Variants in CCDC3 observed in about 807,000 individuals in gnomAD.
CCDC3 encodes coiled-coil domain containing 3.
A neutral mutation model predicts 21.4 loss-of-function variants in CCDC3; 24 were observed. The observed-to-expected ratio is 1.12, with a 90% CI of 0.81 to 1.58. CCDC3 has a LOEUF of 1.58. CCDC3 is among the 40% of genes most tolerant of loss of function. The pLI is 0.00. For synonymous variants in CCDC3, 186 were observed against 166.0 expected (o/e 1.12, Z -0.93); for missense variants, 425 against 360.9 (o/e 1.18, Z -1.44).
chr10:13,010,354 G>T (rs1336922763), intron 5 of CCDC3, among the ~76,000 whole-genome samples: 5 of 152,126 alleles, frequency 3.3e-5, no homozygotes, highest in Non-Finnish European at 7.4e-5. Flanking sequence ...GCTAAGAATG[G>T]CAAATAAGTG....
intron 3 of CCDC3, among the ~76,000 whole-genome samples, chr10:13,083,635 C>T (rs535450073): frequency 6.6e-6 from 1 of 152,368 alleles, no homozygotes; most frequent in Admixed American, 6.5e-5. Context: ...AGCTCACAGC[C>T]TATGCCCCTT....
At chr10:13,054,329 T>A (rs1278404429) in intron 4 of CCDC3, among the ~76,000 whole-genome samples, 1 of 152,094 alleles carries the variant, frequency 6.6e-6, no homozygotes, top group Non-Finnish European at 1.5e-5. Flanking sequence ...GCTCCTCCTC[T>A]GCAATCCCCT....
At chr10:13,052,938 T>A (rs1337546966) in intron 4 of CCDC3, among the ~76,000 whole-genome samples, 2 of 134,336 alleles carry the variant, frequency 1.5e-5, no homozygotes, top group Non-Finnish European at 3.2e-5. Context: ...TGAGACTCTG[T>A]CACACACACA....
At chr10:12,957,551 G>A (rs929046804) in intron 2 of CCDC3, among the ~76,000 whole-genome samples, 21 of 152,224 alleles carry the variant, frequency 1.4e-4, no homozygotes, top group Admixed American at 3.3e-4. Context: ...AGGTGAGAGC[G>A]GATGGGAGGT....
intron 2 of CCDC3, among the ~76,000 whole-genome samples, chr10:12,933,906 T>A (rs571572213): frequency 6.6e-6 from 1 of 152,286 alleles, no homozygotes; most frequent in African/African-American, 2.4e-5. Flanking sequence ...AAGAATCAGC[T>A]CTTTTGATTA....
chr10:13,079,017 TA>T lies in CCDC3; in HGVS notation c.-502-4918del, dbSNP rs924272958. On this transcript the variant is annotated intron_variant, in intron 3 of 6. Coordinates refer to the CCDC3 transcript ENST00000378839. ...CTAGAACTTAAAATATAATAATAAT[TA>T]AAAAAAAATTGCTTCCCTTCTTTAT... Among the ~76,000 whole-genome samples the T allele has an allele frequency of 4.5e-4, 68 of 151,594 alleles. 1 individual carries two copies. The highest frequency in any genetic ancestry group is 3.4e-3 in the Middle Eastern group (1 of 294).
At chr10:12,985,455 C>G (rs894791157) in intron 2 of CCDC3, among the ~76,000 whole-genome samples, 1 of 152,266 alleles carries the variant, frequency 6.6e-6, no homozygotes, top group Non-Finnish European at 1.5e-5. Context: ...AAAACTTATG[C>G]CTACACAACA....
At chr10:12,987,025 C>A (rs2131276821) in intron 2 of CCDC3, among the ~76,000 whole-genome samples, 1 of 152,214 alleles carries the variant, frequency 6.6e-6, no homozygotes, top group African/African-American at 2.4e-5. Flanking sequence ...CAAAAACAAG[C>A]CAGGAACTCC....
chr10:12,993,070 T>G (rs1835704219), intron 2 of CCDC3, among the ~76,000 whole-genome samples: 1 of 152,230 alleles, frequency 6.6e-6, no homozygotes, highest in Non-Finnish European at 1.5e-5. Context: ...CTGTTACTAC[T>G]GATGTTGCCA....
chr10:12,969,476 T>C (rs1367623769), intron 2 of CCDC3, among the ~76,000 whole-genome samples: 1 of 151,852 alleles, frequency 6.6e-6, no homozygotes, highest in Admixed American at 6.6e-5. Context: ...AAATTAAAAA[T>C]AGAATTACCC....
intron 2 of CCDC3, among the ~76,000 whole-genome samples, chr10:12,926,873 A>G (rs1834549402): frequency 6.6e-6 from 1 of 152,228 alleles, no homozygotes. Flanking sequence ...TCATAAAGAC[A>G]TTATAATCAT....
chr10:13,063,866 G>C (rs1477514221), intron 4 of CCDC3, among the ~76,000 whole-genome samples: 2 of 152,138 alleles, frequency 1.3e-5, no homozygotes, highest in African/African-American at 4.8e-5. Flanking sequence ...GAAGATTTTA[G>C]AATGGCTGGA....
intron 2 of CCDC3, among the ~76,000 whole-genome samples, chr10:12,996,623 AAAG>A (rs1238324201): frequency 1.3e-5 from 2 of 152,174 alleles, no homozygotes; most frequent in South Asian, 2.1e-4. Context: ...GACATATGTC[AAAG>A]AAGAAGAAAT....
chr10:12,930,240 G>A lies in CCDC3; in HGVS notation c.550-31561C>T, dbSNP rs548430611. Reference sequence around the variant, plus strand: ...ACGTTGTACAGTTTCTCTAGGAAATGATGTAATATTTTTACATTTCTTTTC... The same window carrying A: ...ACGTTGTACAGTTTCTCTAGGAAATAATGTAATATTTTTACATTTCTTTTC... On this transcript the variant is annotated intron_variant, in intron 2 of 2. Coordinates refer to ENST00000378825, the MANE Select transcript of CCDC3 (RefSeq NM_031455.4). 1.4e-4 allele frequency among the ~76,000 whole-genome samples: 21 copies of A among 151,882 alleles called. No individual in the cohort carries two copies. The South Asian group carries it at 4.4e-3, about 32-fold the overall frequency.
chr10:12,919,598 A>AT (rs993295454), intron 2 of CCDC3, among the ~76,000 whole-genome samples: 1 of 151,724 alleles, frequency 6.6e-6, no homozygotes, highest in African/African-American at 2.4e-5. Context: ...AAAAAAAAAA[A>AT]AAAAAAGAAA....
At chr10:13,080,450 A>G (rs1406376012) in intron 3 of CCDC3, among the ~76,000 whole-genome samples, 1 of 152,236 alleles carries the variant, frequency 6.6e-6, no homozygotes, top group African/African-American at 2.4e-5. Context: ...ATGTAAAACT[A>G]TTAAAGGAAC....
chr10:13,073,774 A>C (rs1402505591), intron 4 of CCDC3: 1 of 152,216 alleles, frequency 6.6e-6, no homozygotes, highest in Non-Finnish European at 1.5e-5. Flanking sequence ...GGCATGAGCC[A>C]CGGTGGCCTG....
chr10:12,940,602 A>G (rs919359497), intron 2 of CCDC3, among the ~76,000 whole-genome samples: 2 of 152,218 alleles, frequency 1.3e-5, no homozygotes, highest in Admixed American at 1.3e-4. Context: ...ATAACCTTGT[A>G]GAGCCTTACC....
At chr10:13,042,233 A>T (rs1836466693) in intron 5 of CCDC3, among the ~76,000 whole-genome samples, 1 of 152,256 alleles carries the variant, frequency 6.6e-6, no homozygotes, top group African/African-American at 2.4e-5. Context: ...GAGACAAAGG[A>T]GAGGAAAACA....
Sources: allele counts gnomAD v4.1 joint callset (sites outside exome capture counted in the v4.1 genomes callset), GRCh38; gene constraint gnomAD v4.1.1; transcripts MANE v1.5; gene names NCBI Gene and HGNC (gene_info 2026-07-23, HGNC 2026-07-21).